Variants in LIN7A observed in about 807,000 individuals in gnomAD.
LIN7A encodes the protein protein lin-7 homolog A.
Under a neutral mutation model 29.8 loss-of-function variants are expected in LIN7A, and 25 were observed. That is an observed-to-expected ratio of 0.84 (90% CI 0.61 to 1.17). The LOEUF (loss-of-function observed/expected upper bound fraction) is 1.17. Ranked by LOEUF, LIN7A falls within the 50% of genes most tolerant of loss-of-function variation. The probability of loss-of-function intolerance (pLI) is 0.00; values close to 1 mark genes in which losing one functional copy is unlikely to be tolerated. For missense variants in LIN7A, 239 were observed against 287.0 expected, an observed-to-expected ratio of 0.83 and a Z score of 1.21; for synonymous variants, 118 against 107.5, an observed-to-expected ratio of 1.10 and a Z score of -0.60.
intron 1 of LIN7A, among the ~76,000 whole-genome samples, chr12:80,890,012 G>C (rs546241240): frequency 6.6e-6 from 1 of 152,030 alleles, no homozygotes; most frequent in East Asian, 1.9e-4. Flanking sequence ...GGTCCACAAA[G>C]TTATTTTCCT....
chr12:80,848,029 A>G (rs1592891479), intron 3 of LIN7A: 1 of 650,410 alleles, frequency 1.5e-6, no homozygotes, highest in East Asian at 3.0e-5. Context: ...AAGTGAGTTT[A>G]ATGAAATCAT....
chr12:80,806,749 G>A (rs1871009815), intron 5 of LIN7A, among the ~76,000 whole-genome samples: 1 of 152,268 alleles, frequency 6.6e-6, no homozygotes, highest in South Asian at 2.1e-4. Context: ...ATCCCATTTA[G>A]TCCTTAAAAA....
intron 4 of LIN7A, among the ~76,000 whole-genome samples, chr12:80,835,191 G>A (rs1283503764): frequency 6.6e-6 from 1 of 152,176 alleles, no homozygotes; most frequent in African/African-American, 2.4e-5. Context: ...AAGGAAAAAT[G>A]TTGCAATAGG....
chr12:80,937,567 T>C lies in LIN7A; in HGVS notation c.82+74A>G, dbSNP rs1878310099. On this transcript the variant is annotated intron_variant, in intron 1 of 5. Transcript: ENST00000552864. ...CTGCCTGAGCGCGTCCCATGTCCCG[T>C]TGGGAATTGGCAGGCGGGGAAGGGA... is the stretch of plus-strand genomic sequence containing the variant. The C allele has an allele frequency of 2.7e-6, 3 of 1,097,632 alleles. No homozygotes were observed. In the South Asian group the frequency reaches 5.8e-5, roughly 21 times the overall value. The allele number at this position is 1,097,632 out of a possible 1,614,324, so 68.0% of individuals were successfully genotyped here.
intron 1 of LIN7A, among the ~76,000 whole-genome samples, chr12:80,924,717 T>C (rs1404698566): frequency 6.6e-6 from 1 of 152,162 alleles, no homozygotes; most frequent in East Asian, 1.9e-4. Flanking sequence ...AAAAAGAAAG[T>C]TAAAAGTCAC....
At chr12:80,901,686 T>TACAAATTTAACTTTTCCTGTCC (rs138085795) in intron 1 of LIN7A, among the ~76,000 whole-genome samples, 8,541 of 152,114 alleles carry the variant, frequency 0.056, 402 homozygotes, top group South Asian at 0.24. Flanking sequence ...ATAAAGAAAC[T>TACAAATTTAACTTTTCCTGTCC]ACAAATTTAA....
chr12:80,810,386 T>C (rs1301352539), intron 5 of LIN7A, among the ~76,000 whole-genome samples: 1 of 136,518 alleles, frequency 7.3e-6, no homozygotes, highest in Non-Finnish European at 1.5e-5. Flanking sequence ...TATTAAATGG[T>C]ATACATCTGT....
intron 4 of LIN7A, among the ~76,000 whole-genome samples, chr12:80,829,398 T>C (rs1872235922): frequency 6.6e-6 from 1 of 152,208 alleles, no homozygotes; most frequent in East Asian, 1.9e-4. Flanking sequence ...ACCCAAGTTT[T>C]CCTTTCCTAT....
chr12:80,904,054 C>A (rs1430706276), intron 1 of LIN7A, among the ~76,000 whole-genome samples: 1 of 151,934 alleles, frequency 6.6e-6, no homozygotes, highest in East Asian at 1.9e-4. Flanking sequence ...GTGGGCAAGA[C>A]CATCACTAAG....
At chr12:80,910,429 T>A (rs1019646726) in intron 1 of LIN7A, among the ~76,000 whole-genome samples, 20 of 152,110 alleles carry the variant, frequency 1.3e-4, no homozygotes, top group African/African-American at 4.8e-4. Context: ...GTAGAAGTGA[T>A]GAGGCAAAAA....
chr12:80,883,874 C>A (rs1293591845), intron 2 of LIN7A, among the ~76,000 whole-genome samples: 2 of 152,168 alleles, frequency 1.3e-5, no homozygotes, highest in Non-Finnish European at 2.9e-5. Context: ...GTGACCTTTC[C>A]CACATAGCCC....
chr12:80,878,053 G>T (rs963061218), intron 2 of LIN7A, among the ~76,000 whole-genome samples: 1 of 152,146 alleles, frequency 6.6e-6, no homozygotes, highest in Non-Finnish European at 1.5e-5. Flanking sequence ...CTGGAAATAC[G>T]CACTGTTTAT....
chr12:80,820,884 ACT>A (rs1014679206), intron 4 of LIN7A, among the ~76,000 whole-genome samples: 25 of 151,960 alleles, frequency 1.6e-4, no homozygotes, highest in Admixed American at 1.2e-3. Flanking sequence ...AACCCATGAC[ACT>A]CTGTGACACT....
chr12:80,830,156 G>A (rs1872274930), intron 4 of LIN7A, among the ~76,000 whole-genome samples: 1 of 151,964 alleles, frequency 6.6e-6, no homozygotes, highest in Non-Finnish European at 1.5e-5. Flanking sequence ...CTTCCTCACT[G>A]CCTCCGTTCA....
intron 4 of LIN7A, among the ~76,000 whole-genome samples, chr12:80,834,347 A>G (rs1157558168): frequency 2.0e-5 from 3 of 152,190 alleles, no homozygotes; most frequent in Non-Finnish European, 2.9e-5. Context: ...AAGATATGCT[A>G]TATATTTACA....
rs150003974 is a variant in LIN7A, at chr12:80,923,369, C to T, written c.82+14272G>A. On this transcript the variant is annotated intron_variant, in intron 1 of 5. Transcript: ENST00000552864. ...TGAGCCAATTCCTCTGATAAATCCT[C>T]TCTCTTAAATTTATAGCTGTATATC... 4.7e-3 allele frequency among the ~76,000 whole-genome samples: 710 copies of T among 152,178 alleles called. 3 individuals carry two copies. Among genetic ancestry groups the T allele is most frequent in the Non-Finnish European group, 6.4e-3 (435 of 68,026 alleles).
chr12:80,853,368 A>T (rs970826960), intron 2 of LIN7A, among the ~76,000 whole-genome samples: 5 of 151,856 alleles, frequency 3.3e-5, no homozygotes, highest in Non-Finnish European at 7.4e-5. Context: ...AAACACTGTT[A>T]AAAAAAATGA....
chr12:80,842,136 G>GA (rs1872851437), intron 4 of LIN7A: 6 of 1,282,584 alleles, frequency 4.7e-6, no homozygotes, highest in Middle Eastern at 2.1e-4. Flanking sequence ...AAGCTAGGAG[G>GA]AAAAAATCAA....
chr12:80,805,574 A>T (rs1870935891), intron 5 of LIN7A, among the ~76,000 whole-genome samples: 1 of 152,048 alleles, frequency 6.6e-6, no homozygotes, highest in Admixed American at 6.5e-5. Context: ...CAGAATGTTG[A>T]TATCTCCAGA....
Sources: allele counts gnomAD v4.1 joint callset (sites outside exome capture counted in the v4.1 genomes callset), GRCh38; gene constraint gnomAD v4.1.1; transcripts MANE v1.5; gene names NCBI Gene and HGNC (gene_info 2026-07-23, HGNC 2026-07-21).